Variants in ARID4B observed in about 807,000 individuals in gnomAD.
ARID4B encodes the protein AT-rich interactive domain-containing protein 4B.
Under a neutral mutation model 147.5 loss-of-function variants are expected in ARID4B, and 26 were observed. The ratio of observed to expected loss-of-function variants is 0.18; its 90% CI spans 0.13 to 0.24. ARID4B has a LOEUF of 0.24. ARID4B is among the 10% of genes least tolerant of loss of function. The pLI, the probability that ARID4B is intolerant of heterozygous loss-of-function variation, is 1.00. For synonymous variants in ARID4B, 512 were observed against 507.9 expected (o/e 1.01, Z -0.11); for missense variants, 1,179 against 1,511.5 (o/e 0.78, Z 3.65).
At chr1:235,262,139 C>A (rs866734397) in intron 2 of ARID4B, among the ~76,000 whole-genome samples, 1 of 149,838 alleles carries the variant, frequency 6.7e-6, no homozygotes, top group African/African-American at 2.5e-5. Context: ...AATGCTGTTA[C>A]GAGTAATAAA....
intron 2 of ARID4B, among the ~76,000 whole-genome samples, chr1:235,301,062 T>A (rs1304945449): frequency 4.3e-5 from 6 of 138,246 alleles, no homozygotes; most frequent in South Asian, 2.3e-4. Context: ...TTTTTTTTTT[T>A]TAGTATACAG....
chr1:235,259,525 T>C (rs2103114281), intron 3 of ARID4B, among the ~76,000 whole-genome samples: 1 of 152,372 alleles, frequency 6.6e-6, no homozygotes, highest in South Asian at 2.1e-4. Flanking sequence ...AGGCTTTCTC[T>C]TCCTCTACAG....
At chr1:235,326,598 G>A (rs1345711594) in intron 2 of ARID4B, among the ~76,000 whole-genome samples, 1 of 152,010 alleles carries the variant, frequency 6.6e-6, no homozygotes, top group African/African-American at 2.4e-5. Flanking sequence ...CAGTTTCTAG[G>A]GTCAGATTAC....
intron 2 of ARID4B, among the ~76,000 whole-genome samples, chr1:235,284,224 G>C (rs1169717390): frequency 1.3e-5 from 2 of 152,136 alleles, no homozygotes; most frequent in Non-Finnish European, 2.9e-5. Context: ...GCTGGACGTG[G>C]TGGCAGGCAC....
intron 2 of ARID4B, among the ~76,000 whole-genome samples, chr1:235,271,898 G>A (rs1167764541): frequency 1.3e-5 from 2 of 151,716 alleles, no homozygotes; most frequent in Non-Finnish European, 2.9e-5. Context: ...GCAGTGAGCC[G>A]AGATCACGCC....
intron 2 of ARID4B, among the ~76,000 whole-genome samples, chr1:235,291,213 G>A (rs758845357): frequency 4.0e-5 from 6 of 151,826 alleles, no homozygotes; most frequent in Non-Finnish European, 7.4e-5. Context: ...TGGCTAACAC[G>A]TTGAAACCCC....
At chr1:235,270,433 T>A (rs1192165719) in intron 2 of ARID4B, among the ~76,000 whole-genome samples, 1 of 150,252 alleles carries the variant, frequency 6.7e-6, no homozygotes, top group Non-Finnish European at 1.5e-5. Flanking sequence ...TGTATCTTCT[T>A]AAAATTTAAG....
chr1:235,318,573 C>T (rs927451817), intron 2 of ARID4B, among the ~76,000 whole-genome samples: 5 of 152,108 alleles, frequency 3.3e-5, no homozygotes, highest in African/African-American at 9.7e-5. Context: ...GCCCAGAATA[C>T]GCAAATCCTT....
chr1:235,174,765 C>G (rs1016446602), intron 22 of ARID4B, among the ~76,000 whole-genome samples: 1 of 151,652 alleles, frequency 6.6e-6, no homozygotes, highest in Admixed American at 6.6e-5. Context: ...TGAGCAGAGA[C>G]TATGCCACTG....
intron 2 of ARID4B, chr1:235,295,923 G>A (rs1672671896): frequency 1.3e-5 from 2 of 153,406 alleles, no homozygotes; most frequent in Non-Finnish European, 2.9e-5. Flanking sequence ...CAAACCAAAG[G>A]CTCTAAAGGC....
chr1:235,286,386 C>G (rs1463856860), intron 2 of ARID4B, among the ~76,000 whole-genome samples: 1 of 152,150 alleles, frequency 6.6e-6, no homozygotes, highest in Non-Finnish European at 1.5e-5. Context: ...TGGTTAGGAA[C>G]CAGAGACTTG....
chr1:235,183,217 CT>C (rs971994058), intron 19 of ARID4B, among the ~76,000 whole-genome samples: 249 of 144,270 alleles, frequency 1.7e-3, no homozygotes, highest in Middle Eastern at 3.5e-3. Flanking sequence ...TAATATTCTT[CT>C]TTTTTTTTTT....
At chr1:235,326,050 T>C (rs191537494) in intron 2 of ARID4B, among the ~76,000 whole-genome samples, 37 of 152,264 alleles carry the variant, frequency 2.4e-4, no homozygotes, top group African/African-American at 8.4e-4. Flanking sequence ...TTCAAGCACT[T>C]CTGAATTTGT....
At chr1:235,200,003 GA>G (rs61519256) in intron 17 of ARID4B, among the ~76,000 whole-genome samples, 3,396 of 124,472 alleles carry the variant, frequency 0.027, 124 homozygotes, top group African/African-American at 0.087. Context: ...AAAGAATAGG[GA>G]AAAAAAAAAA....
chr1:235,250,688 T>G (rs746152173), intron 6 of ARID4B, among the ~76,000 whole-genome samples: 1 of 152,160 alleles, frequency 6.6e-6, no homozygotes, highest in Non-Finnish European at 1.5e-5. Context: ...GGGAAGGGAA[T>G]TGAAGAATCA....
chr1:235,169,348 C>G (rs559986945), intron 23 of ARID4B, among the ~76,000 whole-genome samples: 1 of 151,458 alleles, frequency 6.6e-6, no homozygotes, highest in African/African-American at 2.4e-5. Flanking sequence ...TCACGCCATT[C>G]TCCTGCCTCA....
chr1:235,179,395 G>A (rs754102929), intron 20 of ARID4B, among the ~76,000 whole-genome samples: 8 of 151,372 alleles, frequency 5.3e-5, no homozygotes, highest in East Asian at 1.9e-4. Flanking sequence ...AAAATTAGCC[G>A]GGCGTTAATC....
chr1:235,274,121 C>G (rs1435967535), intron 2 of ARID4B, among the ~76,000 whole-genome samples: 1 of 152,002 alleles, frequency 6.6e-6, no homozygotes, highest in Non-Finnish European at 1.5e-5. Context: ...ACCTGTAATC[C>G]CAGCACTTTG....
At chr1:235,201,766 C>T (rs927456563) in intron 17 of ARID4B, among the ~76,000 whole-genome samples, 1 of 151,934 alleles carries the variant, frequency 6.6e-6, no homozygotes, top group South Asian at 2.1e-4. Context: ...TGTCTATAAT[C>T]CCAGCTACTC....
Sources: gnomAD v4.1 joint callset for allele counts (sites outside exome capture counted in the v4.1 genomes callset) on GRCh38, gnomAD v4.1.1 for gene constraint, MANE v1.5 for transcripts, NCBI Gene and HGNC (gene_info 2026-07-23, HGNC 2026-07-21) for gene names.